DAB1: variants seen among roughly 807,000 people sequenced by gnomAD.
The protein encoded by DAB1 is disabled homolog 1.
DAB1 carries 15 observed loss-of-function variants against 64.6 expected under a neutral mutation model. The ratio of observed to expected loss-of-function variants is 0.23; its 90% CI spans 0.16 to 0.36. The LOEUF is 0.36. Ranked by LOEUF, DAB1 falls within the 10% of genes least tolerant of loss-of-function variation. The pLI is 1.00. For missense variants in DAB1, 596 were observed against 706.7 expected (o/e 0.84, Z 1.78); for synonymous variants, 235 against 251.9 (o/e 0.93, Z 0.64).
chr1:58,480,871 T>TC, intron 3 of DAB1: 1 of 695,534 alleles, frequency 1.4e-6, no homozygotes, highest in South Asian at 2.0e-5. Context: ...AATATCCTTT[T>TC]TTTTTTCACT....
chr1:57,667,478 A>G (rs1001399811), intron 6 of DAB1, among the ~76,000 whole-genome samples: 6 of 152,106 alleles, frequency 3.9e-5, no homozygotes, highest in Non-Finnish European at 5.9e-5. Flanking sequence ...CATCCCTACT[A>G]TAATGAAACC....
chr1:58,474,551 C>T lies in DAB1; in HGVS notation n.257+31509G>A, dbSNP rs115395668. On this transcript the variant is annotated intron_variant and non_coding_transcript_variant, in intron 3 of 20. Transcript: ENST00000485760. Reference sequence around the variant, plus strand: ...AAAAAGTACCCTAACTCCTGTGTTGCCAAGGGTCAACTGTATGTTCCTGAG... The same window carrying T: ...AAAAAGTACCCTAACTCCTGTGTTGTCAAGGGTCAACTGTATGTTCCTGAG... 5.7e-3 allele frequency among the ~76,000 whole-genome samples: 872 copies of T among 152,198 alleles called. 5 individuals carry two copies. Among genetic ancestry groups the T allele is most frequent in the African/African-American group, 0.02 (841 of 41,512 alleles).
chr1:58,431,000 G>C (rs1644864688), intron 3 of DAB1, among the ~76,000 whole-genome samples: 2 of 152,116 alleles, frequency 1.3e-5, no homozygotes, highest in African/African-American at 4.8e-5. Flanking sequence ...CTATTCTCTG[G>C]GGATCCCTGA....
chr1:58,197,267 G>A (rs1401088098), intron 4 of DAB1, among the ~76,000 whole-genome samples: 1 of 152,156 alleles, frequency 6.6e-6, no homozygotes, highest in African/African-American at 2.4e-5. Context: ...AGAACAGTGA[G>A]AATTAAATAG....
At chr1:57,113,701 C>A (rs985041728) in intron 4 of DAB1, among the ~76,000 whole-genome samples, 2 of 152,030 alleles carry the variant, frequency 1.3e-5, no homozygotes, top group Non-Finnish European at 2.9e-5. Context: ...AATCAAAAAC[C>A]GGTGGTATGC....
intron 1 of DAB1, among the ~76,000 whole-genome samples, chr1:57,875,481 T>C (rs1274712474): frequency 1.3e-5 from 2 of 152,194 alleles, no homozygotes; most frequent in African/African-American, 2.4e-5. Flanking sequence ...AAGTACCTGA[T>C]ACCTTCTGGG....
chr1:57,159,495 A>C (rs919154255), intron 2 of DAB1, among the ~76,000 whole-genome samples: 3 of 152,222 alleles, frequency 2.0e-5, no homozygotes, highest in African/African-American at 7.2e-5. Flanking sequence ...CTGTAAGTTT[A>C]TGAGGGCTAA....
intron 3 of DAB1, among the ~76,000 whole-genome samples, chr1:58,382,548 C>A (rs1028253937): frequency 9.2e-5 from 14 of 152,180 alleles, no homozygotes; most frequent in Non-Finnish European, 1.6e-4. Context: ...AGCCCATGTT[C>A]CACTTGCTGA....
At chr1:57,322,272 T>C (rs1464939609) in intron 1 of DAB1, among the ~76,000 whole-genome samples, 1 of 152,204 alleles carries the variant, frequency 6.6e-6, no homozygotes, top group Non-Finnish European at 1.5e-5. Flanking sequence ...CAGTGCCCAG[T>C]ACAAATAAAC....
intron 1 of DAB1, among the ~76,000 whole-genome samples, chr1:58,535,653 G>A (rs1646505319): frequency 6.6e-6 from 1 of 151,156 alleles, no homozygotes; most frequent in East Asian, 1.9e-4. Context: ...GAGGCTACTG[G>A]ACATGAATTC....
chr1:57,441,005 A>G (rs1165810522), intron 7 of DAB1, among the ~76,000 whole-genome samples: 7 of 152,136 alleles, frequency 4.6e-5, no homozygotes, highest in Non-Finnish European at 1.0e-4. Flanking sequence ...GTGGCTTATT[A>G]ACCCACACTT....
intron 11 of DAB1, among the ~76,000 whole-genome samples, chr1:57,022,617 G>T (rs1255687513): frequency 6.6e-6 from 1 of 152,078 alleles, no homozygotes; most frequent in Non-Finnish European, 1.5e-5. Flanking sequence ...TTGGTGGCAA[G>T]AATTTGCTTC....
At chr1:58,094,633 A>G (rs1030967889) in intron 5 of DAB1, among the ~76,000 whole-genome samples, 5 of 152,268 alleles carry the variant, frequency 3.3e-5, no homozygotes, top group African/African-American at 1.2e-4. Context: ...GGTACTGTAT[A>G]TAAAACATTT....
At chr1:57,856,357 G>C (rs968415908) in intron 1 of DAB1, among the ~76,000 whole-genome samples, 3 of 152,200 alleles carry the variant, frequency 2.0e-5, no homozygotes, top group Non-Finnish European at 4.4e-5. Context: ...CTCCCTAAGA[G>C]AGGAAGAGCT....
chr1:58,155,914 A>T (rs1046459212), intron 4 of DAB1, among the ~76,000 whole-genome samples: 1 of 152,218 alleles, frequency 6.6e-6, no homozygotes, highest in Non-Finnish European at 1.5e-5. Context: ...AATGAATACA[A>T]TGCCTCCCAA....
chr1:58,013,998 G>A (rs943664010), intron 5 of DAB1, among the ~76,000 whole-genome samples: 4 of 150,442 alleles, frequency 2.7e-5, no homozygotes, highest in South Asian at 4.2e-4. Flanking sequence ...TATTATTTCC[G>A]GCATGGTCAC....
At chr1:57,814,639 T>C (rs937064878) in intron 6 of DAB1, among the ~76,000 whole-genome samples, 1 of 152,094 alleles carries the variant, frequency 6.6e-6, no homozygotes, top group Non-Finnish European at 1.5e-5. Context: ...TTCCAACAAA[T>C]AGATGGAGAC....
intron 7 of DAB1, among the ~76,000 whole-genome samples, chr1:57,554,775 C>T (rs1355071097): frequency 2.0e-5 from 3 of 152,142 alleles, no homozygotes; most frequent in Admixed American, 2.0e-4. Flanking sequence ...CACTAGCCTA[C>T]AAATATTTTG....
chr1:58,369,374 C>A (rs1315766836), intron 3 of DAB1, among the ~76,000 whole-genome samples: 1 of 152,152 alleles, frequency 6.6e-6, no homozygotes, highest in Non-Finnish European at 1.5e-5. Flanking sequence ...CACATTTTTA[C>A]ACATATTTTA....
Sources: gnomAD v4.1 joint callset for allele counts (sites outside exome capture counted in the v4.1 genomes callset) on GRCh38, gnomAD v4.1.1 for gene constraint, MANE v1.5 for transcripts, NCBI Gene and HGNC (gene_info 2026-07-23, HGNC 2026-07-21) for gene names.